The following ABLIM3 variants were observed in gnomAD, a reference collection of about 807,000 sequenced individuals.
ABLIM3 encodes actin-binding LIM protein 3.
Under a neutral mutation model 109.5 loss-of-function variants are expected in ABLIM3, and 61 were observed. The observed-to-expected ratio is 0.56, with a 90% confidence interval of 0.45 to 0.69. The LOEUF (loss-of-function observed/expected upper bound fraction) is 0.69, where lower values mean the gene tolerates loss of function less well. Among genes scored for constraint, ABLIM3 ranks in the 30% least tolerant of loss-of-function variants. The pLI is 0.00. For missense variants in ABLIM3, 796 were observed against 889.5 expected (o/e 0.89, Z 1.34); for synonymous variants, 300 against 324.8 (o/e 0.92, Z 0.82).
chr5:149,173,945 C>G (rs1239434944), intron 2 of ABLIM3, among the ~76,000 whole-genome samples: 2 of 150,512 alleles, frequency 1.3e-5, no homozygotes, highest in Non-Finnish European at 3.0e-5. Flanking sequence ...TGGCGTGAAC[C>G]CGGGAGGCGG....
intron 8 of ABLIM3, among the ~76,000 whole-genome samples, chr5:149,222,661 CTT>C (rs552243427): frequency 6.4e-5 from 8 of 124,418 alleles, no homozygotes; most frequent in Middle Eastern, 4.3e-3. Context: ...TTTCAGATTA[CTT>C]TTTTTTTTTT....
chr5:149,183,609 C>G lies in ABLIM3; in HGVS notation c.151+20C>G. 4.0e-6 allele frequency: 6 copies of G among 1,508,240 alleles called. No homozygotes were observed. The highest frequency in any genetic ancestry group is 4.4e-5 in the Admixed American group (2 of 45,204). The allele number at this position is 1,508,240 out of a possible 1,614,324, so 93.4% of individuals were successfully genotyped here. Reference sequence around the variant, plus strand: ...GTCAAGGTAGGAGGCTCAGCTCCCCCACTCTCTTCTTAGATTCCTGACCAT... The same window carrying G: ...GTCAAGGTAGGAGGCTCAGCTCCCCGACTCTCTTCTTAGATTCCTGACCAT... On this transcript the variant is annotated intron_variant, in intron 3 of 23. Coordinates refer to ENST00000309868, the MANE Select transcript of ABLIM3 (RefSeq NM_014945.5).
chr5:149,175,341 T>C (rs1755828084), intron 2 of ABLIM3, among the ~76,000 whole-genome samples: 1 of 152,206 alleles, frequency 6.6e-6, no homozygotes, highest in South Asian at 2.1e-4. Context: ...AATGGGTGGC[T>C]TCCTAGCTTT....
At chr5:149,178,719 C>A (rs1756198997) in intron 2 of ABLIM3, among the ~76,000 whole-genome samples, 1 of 152,166 alleles carries the variant, frequency 6.6e-6, no homozygotes, top group Non-Finnish European at 1.5e-5. Flanking sequence ...TTAAAAGAGA[C>A]TGATAAATCT....
At chr5:149,190,453 G>A (rs1039463429) in intron 3 of ABLIM3, among the ~76,000 whole-genome samples, 1 of 152,218 alleles carries the variant, frequency 6.6e-6, no homozygotes, top group Non-Finnish European at 1.5e-5. Flanking sequence ...GCCGAGGCGG[G>A]TGGATCACCT....
intron 17 of ABLIM3, among the ~76,000 whole-genome samples, chr5:149,247,039 G>T (rs1753448414): frequency 6.6e-6 from 1 of 152,180 alleles, no homozygotes; most frequent in African/African-American, 2.4e-5. Flanking sequence ...GCTAAAATAT[G>T]GAAATAATCC....
chr5:149,239,657 G>T, intron 12 of ABLIM3, 102 bp from the exon 13 acceptor site: 1 of 1,475,188 alleles, frequency 6.8e-7, no homozygotes, highest in South Asian at 1.4e-5. Flanking sequence ...CCTCAAACCC[G>T]AGAATCCCAG....
chr5:149,253,800 TTGCC>T (rs1235543971), intron 23 of ABLIM3, among the ~76,000 whole-genome samples: 1 of 152,164 alleles, frequency 6.6e-6, no homozygotes, highest in African/African-American at 2.4e-5. Context: ...TTACAGCCTG[TTGCC>T]ACTCCCTGCC....
chr5:149,181,365 G>A (rs1472643663), intron 2 of ABLIM3, among the ~76,000 whole-genome samples: 1 of 152,124 alleles, frequency 6.6e-6, no homozygotes, highest in East Asian at 1.9e-4. Flanking sequence ...AACATTTGTG[G>A]AGCACTTAAC....
intron 2 of ABLIM3, 31 bp downstream of exon 2, chr5:149,142,139 G>GT: frequency 6.2e-6 from 9 of 1,443,304 alleles, no homozygotes; most frequent in African/African-American, 1.4e-5. Context: ...TTTGCCATGG[G>GT]AACAGGGGTG....
chr5:149,250,387 T>C, intron 19 of ABLIM3, 60 bp from the exon 20 acceptor site: 2 of 1,573,454 alleles, frequency 1.3e-6, no homozygotes, highest in Non-Finnish European at 1.7e-6. Context: ...CCAGATGACC[T>C]CAGGGAGAGG....
Position 149,258,679 on chromosome 5 carries a change from G to C in ABLIM3, c.*275G>C, listed in dbSNP as rs770060689. 168 of 1,088,710 alleles carry C rather than the reference G, an allele frequency of 1.5e-4. No individual in the cohort carries two copies. Among genetic ancestry groups the C allele is most frequent in the Non-Finnish European group, 1.8e-4 (163 of 897,310 alleles). The allele number at this position is 1,088,710 out of a possible 1,614,324, so 67.4% of individuals were successfully genotyped here. On this transcript the variant is annotated 3_prime_UTR_variant, in exon 24 of 24. Transcript: ENST00000309868. ...CTGAAACATCTGTCCTAACTTGAGT[G>C]CCCCAAGGTCCAACTCTCTTTCCTA...
chr5:149,233,015 T>C (rs562631350), intron 9 of ABLIM3, among the ~76,000 whole-genome samples: 1 of 152,100 alleles, frequency 6.6e-6, no homozygotes, highest in Non-Finnish European at 1.5e-5. Flanking sequence ...AATAAATCCA[T>C]ATTCCACCCC....
intron 8 of ABLIM3, among the ~76,000 whole-genome samples, chr5:149,221,153 A>G (rs1207740544): frequency 6.6e-6 from 1 of 152,178 alleles, no homozygotes; most frequent in Non-Finnish European, 1.5e-5. Flanking sequence ...GGGCAGGAAG[A>G]TTGAGGAGGC....
At chr5:149,177,215 C>T (rs541474066) in intron 2 of ABLIM3, 86 of 152,314 alleles carry the variant, frequency 5.6e-4, no homozygotes, top group African/African-American at 2.0e-3. Context: ...CGAATAGCCT[C>T]CCAGGCCCTT....
chr5:149,210,694 C>T (rs1394685164), intron 6 of ABLIM3, 32 bp from the exon 7 acceptor site: 1 of 1,597,636 alleles, frequency 6.3e-7, no homozygotes. Context: ...TCCTCCCTAA[C>T]TTCCTCATCC....
chr5:149,193,026 T>C (rs1057185453), intron 3 of ABLIM3, among the ~76,000 whole-genome samples: 18 of 152,144 alleles, frequency 1.2e-4, no homozygotes, highest in African/African-American at 4.3e-4. Flanking sequence ...ATTAAGGGAC[T>C]TAAGAGGTAC....
intron 11 of ABLIM3, among the ~76,000 whole-genome samples, chr5:149,237,849 C>A (rs540966774): frequency 6.6e-6 from 1 of 152,270 alleles, no homozygotes; most frequent in East Asian, 1.9e-4. Context: ...GAAGCAGCAC[C>A]CCCTATAGAC....
At chr5:149,227,893 C>T (rs955586854) in intron 8 of ABLIM3, among the ~76,000 whole-genome samples, 2 of 152,110 alleles carry the variant, frequency 1.3e-5, no homozygotes, top group Middle Eastern at 6.3e-3. Context: ...ATCTGCAGTT[C>T]CTGCAGATAT....
Sources: allele counts gnomAD v4.1 joint callset (sites outside exome capture counted in the v4.1 genomes callset), GRCh38; gene constraint gnomAD v4.1.1; transcripts MANE v1.5; gene names NCBI Gene and HGNC (gene_info 2026-07-23, HGNC 2026-07-21).